STOX2: variants seen among roughly 807,000 people sequenced by gnomAD.
STOX2 encodes the protein storkhead-box protein 2.
Under a neutral mutation model 60.9 loss-of-function variants are expected in STOX2, and 28 were observed. The observed-to-expected ratio is 0.46, with a 90% CI of 0.34 to 0.63. The LOEUF (loss-of-function observed/expected upper bound fraction) is 0.63, where lower values mean the gene tolerates loss of function less well. Among genes scored for constraint, STOX2 ranks in the 30% least tolerant of loss-of-function variants. The pLI is 0.01. For synonymous variants in STOX2, 472 were observed against 463.9 expected, an observed-to-expected ratio of 1.02 and a Z score of -0.22; for missense variants, 1,024 against 1,187.7, an observed-to-expected ratio of 0.86 and a Z score of 2.03.
intron 1 of STOX2, among the ~76,000 whole-genome samples, chr4:183,843,372 T>C (rs1739914048): frequency 6.6e-6 from 1 of 152,174 alleles, no homozygotes; most frequent in Non-Finnish European, 1.5e-5. Context: ...GATGAAATCA[T>C]TTTTATGCTT....
chr4:183,853,179 C>G (rs543134542), intron 1 of STOX2, among the ~76,000 whole-genome samples: 434 of 152,300 alleles, frequency 2.8e-3, no homozygotes, highest in Non-Finnish European at 4.6e-3. Context: ...AAGGACTGTT[C>G]TCTTCTATAA....
chr4:183,951,209 C>T (rs1378352799), intron 1 of STOX2, among the ~76,000 whole-genome samples: 5 of 136,580 alleles, frequency 3.7e-5, no homozygotes, highest in Admixed American at 7.5e-5. Context: ...AGCGAGACTC[C>T]GTCTCAAAAA....
At chr4:183,858,303 G>A (rs369955769) in intron 1 of STOX2, among the ~76,000 whole-genome samples, 15 of 151,926 alleles carry the variant, frequency 9.9e-5, no homozygotes, top group African/African-American at 3.4e-4. Flanking sequence ...TGTGACCTGC[G>A]TCTCCCGCCC....
chr4:183,968,802 G>A (rs1743657135), intron 1 of STOX2, among the ~76,000 whole-genome samples: 2 of 151,982 alleles, frequency 1.3e-5, no homozygotes, highest in Admixed American at 1.3e-4. Flanking sequence ...GGGGAGGGGA[G>A]GGTGGATAGA....
Position 183,889,897 on chromosome 4 carries a change from AATTG to A in STOX2, c.364+91847_364+91850del, listed in dbSNP as rs1412267880. On this transcript the variant is annotated intron_variant, in intron 1 of 2. Coordinates refer to the STOX2 transcript ENST00000513034. ...CTTTTGATGAAAAGATGGATTTCAT[AATTG>A]ATTGTTAAGGGATTACTGCTGTTTA... 2.1e-4 allele frequency among the ~76,000 whole-genome samples: 32 copies of A among 152,310 alleles called. 1 individual carries two copies. The highest frequency in any genetic ancestry group is 3.4e-4 in the Non-Finnish European group (23 of 68,010).
At chr4:183,968,217 G>A (rs1293875389) in intron 1 of STOX2, among the ~76,000 whole-genome samples, 3 of 152,066 alleles carry the variant, frequency 2.0e-5, no homozygotes, top group Non-Finnish European at 4.4e-5. Context: ...TAAAATTTGT[G>A]TGGATCACCA....
Position 183,881,249 on chromosome 4 carries a change from T to G in STOX2, c.364+83194T>G, listed in dbSNP as rs1229480802. On this transcript the variant is annotated intron_variant, in intron 1 of 2. Transcript: ENST00000513034. ...TGAGTGCAGTGGCTCACACCTATAATTCCAGCACTTTGGGAGGCTGAGGTG... is the reference window on the plus strand; with the variant it reads ...TGAGTGCAGTGGCTCACACCTATAAGTCCAGCACTTTGGGAGGCTGAGGTG... 2.2e-4 allele frequency among the ~76,000 whole-genome samples: 8 copies of G among 36,776 alleles called. No individual in the cohort carries two copies. The Admixed American group carries it at 2.7e-3, about 13-fold the overall frequency. 24.1% of individuals were successfully genotyped at this position (36,776 alleles called of 152,430 possible).
chr4:183,823,631 A>G (rs1159334497), intron 1 of STOX2, among the ~76,000 whole-genome samples: 7 of 152,190 alleles, frequency 4.6e-5, no homozygotes, highest in Non-Finnish European at 2.9e-5. Flanking sequence ...TCTGGCCCAC[A>G]AGAAGTTCCA....
At chr4:183,948,820 C>T (rs4862276) in intron 1 of STOX2, among the ~76,000 whole-genome samples, 76,737 of 151,824 alleles carry the variant, frequency 0.51, 19,966 homozygotes, top group East Asian at 0.62. Context: ...GCGTGAGCCA[C>T]TGTGCCGGGC....
At chr4:183,905,162 G>A (rs56391093), upstream of STOX2, among the ~76,000 whole-genome samples, 2 of 152,350 alleles carry the variant, frequency 1.3e-5, no homozygotes, top group East Asian at 3.9e-4. Context: ...TAGCAGCAAC[G>A]TGGCTGGGCG....
intron 1 of STOX2, among the ~76,000 whole-genome samples, chr4:183,933,269 T>C (rs1481235125): frequency 6.6e-6 from 1 of 152,228 alleles, no homozygotes; most frequent in Admixed American, 6.5e-5. Flanking sequence ...CGATTTACTT[T>C]AATACTGCAG....
intron 1 of STOX2, among the ~76,000 whole-genome samples, chr4:183,884,739 C>T (rs537376175): frequency 6.6e-6 from 1 of 152,050 alleles, no homozygotes; most frequent in Non-Finnish European, 1.5e-5. Context: ...GGTACAAAAC[C>T]GAAATGTCCT....
intron 1 of STOX2, among the ~76,000 whole-genome samples, chr4:183,928,268 TC>T (rs1742304247): frequency 6.6e-6 from 1 of 152,118 alleles, no homozygotes; most frequent in African/African-American, 2.4e-5. Context: ...TCTCTGCACC[TC>T]CCCAGAGCTG....
At chr4:183,951,677 C>T (rs1294581519) in intron 1 of STOX2, among the ~76,000 whole-genome samples, 1 of 151,904 alleles carries the variant, frequency 6.6e-6, no homozygotes. Flanking sequence ...CGGTGGCTCA[C>T]GCCTGTAATC....
intron 1 of STOX2, among the ~76,000 whole-genome samples, chr4:183,892,060 G>A (rs1741228854): frequency 6.6e-6 from 1 of 152,288 alleles, no homozygotes; most frequent in African/African-American, 2.4e-5. Context: ...ATTCCAGAGC[G>A]TTCATGTTTA....
chr4:183,941,436 T>G (rs1021027576), intron 1 of STOX2, among the ~76,000 whole-genome samples: 9 of 151,972 alleles, frequency 5.9e-5, no homozygotes, highest in Admixed American at 5.2e-4. Flanking sequence ...GGCGTGGTGG[T>G]GGGTGCCTGT....
rs762447790 is a variant in STOX2 at position 184,009,471 on chromosome 4, A to G, written c.633A>G (p.Ala211=). 3 of 1,613,986 alleles carry G rather than the reference A, an allele frequency of 1.9e-6. No individual in the cohort carries two copies. In the South Asian group the frequency reaches 3.3e-5, roughly 18 times the overall value. ...CCREDVHSTH[A]PTLQRKSAKD... ...GAGAAGACGTGCACAGCACGCATGC[A>G]CCCACCCTGCAAAGGAAGTCTGCCA... Residue 211 remains alanine (A), a synonymous_variant, in exon 3 of 4, where the codon GCA becomes GCG. Transcript: ENST00000308497. This position sits in a 1 kb window ranked among gnomAD's most constrained non-coding sequence, Gnocchi z 4.0.
intron 1 of STOX2, among the ~76,000 whole-genome samples, chr4:183,895,146 C>T (rs913019445): frequency 5.3e-5 from 8 of 152,166 alleles, no homozygotes; most frequent in Admixed American, 2.0e-4. Flanking sequence ...GTGGGCAAAT[C>T]GTGGACTGTC....
chr4:183,930,115 C>T (rs1195922558), intron 1 of STOX2, among the ~76,000 whole-genome samples: 4 of 151,332 alleles, frequency 2.6e-5, no homozygotes, highest in South Asian at 4.2e-4. Flanking sequence ...CCACCCGCCT[C>T]GGCCTCCCAA....
Sources: gnomAD v4.1 joint callset for allele counts (sites outside exome capture counted in the v4.1 genomes callset) on GRCh38, gnomAD v4.1.1 for gene constraint, Gnocchi (gnomAD v3.1) non-coding constraint, MANE v1.5 for transcripts, NCBI Gene and HGNC (gene_info 2026-07-23, HGNC 2026-07-21) for gene names.